Variants in DNAH17 observed in about 807,000 individuals in gnomAD.
The protein encoded by DNAH17 is axonemal beta dynein heavy chain 17.
Under a neutral mutation model 485.6 loss-of-function variants are expected in DNAH17, and 376 were observed. That is an observed-to-expected ratio of 0.77 (90% CI 0.71 to 0.84). DNAH17 has a LOEUF of 0.84. DNAH17 is among the 40% of genes least tolerant of loss of function. The pLI, the probability that DNAH17 is intolerant of heterozygous loss-of-function variation, is 0.00. For missense variants in DNAH17, 6,370 were observed against 5,839.3 expected (o/e 1.09, Z -2.96); for synonymous variants, 3,031 against 2,405.9 (o/e 1.26, Z -7.60).
rs374331856 is a variant in DNAH17 at position 78,468,854 on chromosome 17, A to C, written c.8541T>G (p.Ala2847=). The change falls in exon 55 of 81, where the codon GCT becomes GCG. Residue 2847 remains alanine, a synonymous_variant. Coordinates refer to ENST00000389840, the MANE Select transcript of DNAH17 (RefSeq NM_173628.4). ...ACACCGAGGGAACGTTCTTCACGGCAGCCTTTATGTACTGAGCAGCGAGGT... is the reference window on the plus strand; with the variant it reads ...ACACCGAGGGAACGTTCTTCACGGCCGCCTTTATGTACTGAGCAGCGAGGT... The part of the protein sequence containing the change: ...KIDLAAQYIK[A]AVKNVPSVFL... 8.1e-5 allele frequency: 131 copies of C among 1,613,846 alleles called. No homozygotes were observed. Among genetic ancestry groups the C allele is most frequent in the Non-Finnish European group, 1.0e-4 (119 of 1,179,902 alleles).
rs772299068 is a variant in DNAH17, at chr17:78,552,755, C to T, written c.2229G>A (p.Leu743=). Residue 743 remains leucine (L), a synonymous_variant, in exon 15 of 81, where the codon CTG becomes CTA. Coordinates refer to ENST00000389840, the MANE Select transcript of DNAH17 (RefSeq NM_173628.4). ...AVEFLLIKSE[L]EAIDVKLLSA... is the part of the protein sequence containing the mutation. Reference sequence around the variant, plus strand: ...TCAATAACTTGACATCAATTGCTTCCAGTTCTGACTTTATTAGTAGAAATT... The same window carrying T: ...TCAATAACTTGACATCAATTGCTTCTAGTTCTGACTTTATTAGTAGAAATT... 1.1e-5 allele frequency: 18 copies of T among 1,613,952 alleles called. No homozygotes were observed. Among genetic ancestry groups the T allele is most frequent in the Non-Finnish European group, 1.5e-5 (18 of 1,179,824 alleles).
intron 78 of DNAH17, 34 bp downstream of exon 78, chr17:78,426,892 C>A (rs2086491101): frequency 6.4e-7 from 1 of 1,571,480 alleles, no homozygotes; most frequent in African/African-American, 1.4e-5. Flanking sequence ...CACCATCCAG[C>A]CACGTCCCTG....
chr17:78,551,690 G>A (rs370648391), intron 15 of DNAH17, 52 bp from the exon 16 acceptor site: 47 of 1,575,184 alleles, frequency 3.0e-5, no homozygotes, highest in Middle Eastern at 1.7e-4. Context: ...CAGGCTGGGC[G>A]CGGTGGCTCA....
chr17:78,547,181 A>G (rs1250368711), intron 16 of DNAH17, among the ~76,000 whole-genome samples: 2 of 152,182 alleles, frequency 1.3e-5, no homozygotes, highest in Non-Finnish European at 1.5e-5. Context: ...TTAAATGTTA[A>G]TGCTCTCCTT....
intron 51 of DNAH17, 171 bp downstream of exon 51, chr17:78,478,854 A>G: frequency 1.6e-6 from 1 of 606,476 alleles, no homozygotes; most frequent in South Asian, 2.1e-5. Context: ...CACCATCACT[A>G]CCACTGTCAC....
intron 73 of DNAH17, among the ~76,000 whole-genome samples, chr17:78,438,455 A>AGGAGGAG (rs1598448602): frequency 2.1e-4 from 17 of 82,592 alleles, no homozygotes; most frequent in African/African-American, 5.8e-4. Flanking sequence ...GGGAGGAGGG[A>AGGAGGAG]GGAGGAGGAG....
intron 16 of DNAH17, among the ~76,000 whole-genome samples, chr17:78,550,401 G>A (rs7212089): frequency 3.0e-3 from 196 of 66,184 alleles, no homozygotes; most frequent in African/African-American, 0.01. Flanking sequence ...CCCCAAATCC[G>A]TGTGTAGGGG....
intron 70 of DNAH17, among the ~76,000 whole-genome samples, chr17:78,445,135 C>T (rs987167687): frequency 2.7e-5 from 4 of 150,230 alleles, no homozygotes; most frequent in Admixed American, 6.6e-5. Flanking sequence ...CCTTGAGACT[C>T]GAGGGTCCCT....
intron 31 of DNAH17, among the ~76,000 whole-genome samples, chr17:78,503,574 A>T (rs1188535732): frequency 1.3e-5 from 2 of 151,574 alleles, no homozygotes; most frequent in African/African-American, 4.8e-5. Flanking sequence ...TGCAGCCTCC[A>T]CCTGTGGGCT....
chr17:78,439,972 A>C (rs549162823), intron 72 of DNAH17, among the ~76,000 whole-genome samples: 1 of 150,696 alleles, frequency 6.6e-6, no homozygotes, highest in Non-Finnish European at 1.5e-5. Context: ...GGCTGGCCTC[A>C]CTTTTTTTTG....
At chr17:78,514,308 C>T (rs755606719) in intron 26 of DNAH17, among the ~76,000 whole-genome samples, 2 of 152,056 alleles carry the variant, frequency 1.3e-5, no homozygotes, top group Admixed American at 1.3e-4. Flanking sequence ...AGTTCGAGAC[C>T]AGCCTGGCCA....
intron 1 of DNAH17, 137 bp downstream of exon 1, chr17:78,577,158 G>A (rs2092444560): frequency 6.6e-6 from 1 of 152,420 alleles, no homozygotes; most frequent in African/African-American, 2.4e-5. Context: ...GCTCCCGGTG[G>A]CGAGCAGAGC....
chr17:78,449,763 T>C (rs2087467840), intron 68 of DNAH17, 179 bp from the exon 69 acceptor site: 1 of 604,850 alleles, frequency 1.7e-6, no homozygotes, highest in Admixed American at 3.0e-5. Context: ...CTGCACCCTC[T>C]GCAGTGAGGG....
chr17:78,523,855 G>A (rs554955514), intron 25 of DNAH17, among the ~76,000 whole-genome samples: 3 of 152,390 alleles, frequency 2.0e-5, no homozygotes, highest in African/African-American at 7.2e-5. Flanking sequence ...GTTGCAGTCA[G>A]CTGAGATCGT....
At chr17:78,502,010 G>A (rs1037846475) in intron 33 of DNAH17, 137 bp from the exon 34 acceptor site, 9 of 1,273,426 alleles carry the variant, frequency 7.1e-6, no homozygotes, top group Admixed American at 2.1e-5. Context: ...GAGCGCCCTC[G>A]GTAGGCCCCA....
intron 27 of DNAH17, among the ~76,000 whole-genome samples, chr17:78,508,339 A>AT (rs2090544124): frequency 6.6e-6 from 1 of 152,186 alleles, no homozygotes. Flanking sequence ...GGCGGAAAGA[A>AT]TCCTGTCTGC....
chr17:78,493,934 G>A, intron 41 of DNAH17, 102 bp downstream of exon 41: 1 of 1,451,836 alleles, frequency 6.9e-7, no homozygotes, highest in Non-Finnish European at 9.2e-7. Flanking sequence ...GTACTGGGTT[G>A]GGGTCTCCGG....
chr17:78,460,321 C>CGTGCATGTGTGCATGTGT (rs2088041009), intron 58 of DNAH17, 64 bp from the exon 59 acceptor site: 3 of 872,438 alleles, frequency 3.4e-6, no homozygotes, highest in African/African-American at 1.6e-5. Context: ...GGGGCGTGTA[C>CGTGCATGTGTGCATGTGT]GTGCATGTGT....
At chr17:78,462,813 CAG>C in intron 57 of DNAH17, 29 bp downstream of exon 57, 1 of 1,610,058 alleles carries the variant, frequency 6.2e-7, no homozygotes, top group Non-Finnish European at 8.5e-7. Context: ...GGGAACGGCA[CAG>C]GAGCTGGCAG....
Sources: gnomAD v4.1 joint callset for allele counts (sites outside exome capture counted in the v4.1 genomes callset) on GRCh38, gnomAD v4.1.1 for gene constraint, MANE v1.5 for transcripts, NCBI Gene and HGNC (gene_info 2026-07-23, HGNC 2026-07-21) for gene names.